Variants in PLCXD3 observed in about 807,000 individuals in gnomAD.
The protein encoded by PLCXD3 is PI-PLC X domain-containing protein 3.
PLCXD3 carries 19 observed loss-of-function variants against 25.5 expected under a neutral mutation model. The ratio of observed to expected loss-of-function variants is 0.75; its 90% CI spans 0.52 to 1.09. The LOEUF is 1.09. Among genes scored for constraint, PLCXD3 ranks in the 50% least tolerant of loss-of-function variants. The probability of loss-of-function intolerance (pLI) is 0.00; values close to 1 mark genes in which losing one functional copy is unlikely to be tolerated. For missense variants in PLCXD3, 411 were observed against 388.1 expected, an observed-to-expected ratio of 1.06 and a Z score of -0.50; for synonymous variants, 174 against 137.6, an observed-to-expected ratio of 1.26 and a Z score of -1.85.
intron 1 of PLCXD3, among the ~76,000 whole-genome samples, chr5:41,467,787 T>A (rs924670124): frequency 8.5e-5 from 13 of 152,128 alleles, no homozygotes; most frequent in African/African-American, 3.1e-4. Context: ...GATATTCAGT[T>A]TTCCCGACAC....
chr5:41,351,961 T>C (rs192237215), intron 2 of PLCXD3, among the ~76,000 whole-genome samples: 10 of 152,284 alleles, frequency 6.6e-5, no homozygotes, highest in Admixed American at 2.6e-4. Flanking sequence ...AATTGCAATG[T>C]TCTGGCAAGG....
At chr5:41,370,422 ATAT>A (rs1382045917) in intron 2 of PLCXD3, among the ~76,000 whole-genome samples, 1 of 152,184 alleles carries the variant, frequency 6.6e-6, no homozygotes, top group East Asian at 1.9e-4. Context: ...TACACTGAAA[ATAT>A]TATAGAAAAC....
chr5:41,356,067 C>G lies in PLCXD3; in HGVS notation c.812+25759G>C, dbSNP rs1007705370. Among the ~76,000 whole-genome samples the G allele has an allele frequency of 2.0e-4, 30 of 150,844 alleles. No homozygotes were observed. In the East Asian group the frequency reaches 5.5e-3, roughly 28 times the overall value. On this transcript the variant is annotated intron_variant, in intron 2 of 2. Coordinates refer to ENST00000377801, the MANE Select transcript of PLCXD3 (RefSeq NM_001005473.3). ...ATCGCCTGAGGTCAGGAGTTCGAGA[C>G]CAGCCTGCCTAACATGGCAAAACCC...
chr5:41,510,568 G>GGGCAGGCT lies in PLCXD3; in HGVS notation c.-50_-43dup, dbSNP rs1401298187. 4 of 1,526,488 alleles carry GGGCAGGCT rather than the reference G, an allele frequency of 2.6e-6. No individual in the cohort carries two copies. Among genetic ancestry groups the GGGCAGGCT allele is most frequent in the Non-Finnish European group, 3.6e-6 (4 of 1,107,466 alleles). The allele number at this position is 1,526,488 out of a possible 1,614,324, so 94.6% of individuals were successfully genotyped here. ...CAGCGCGCTGGTCCCAGCACTCCTC[G>GGGCAGGCT]GGCAGGCTGGCAGGCTGCTGCCGCT... On this transcript the variant is annotated 5_prime_UTR_variant, in exon 1 of 3. Coordinates refer to ENST00000377801, the MANE Select transcript of PLCXD3 (RefSeq NM_001005473.3).
chr5:41,330,806 A>T (rs1743778756), intron 2 of PLCXD3, among the ~76,000 whole-genome samples: 1 of 152,174 alleles, frequency 6.6e-6, no homozygotes, highest in South Asian at 2.1e-4. Flanking sequence ...CAAATCAATA[A>T]ATGTAATCCA....
rs144081077 is a variant in PLCXD3 at position 41,390,720 on chromosome 5, G to GA, written c.104-8187dup. On this transcript the variant is annotated intron_variant, in intron 1 of 2. Coordinates refer to ENST00000377801, the MANE Select transcript of PLCXD3 (RefSeq NM_001005473.3). ...CAAGTAGTTAATAACTATCTACACA[G>GA]AAAAAAAAACAAAAACACCTTCATA... 1.0e-4 allele frequency among the ~76,000 whole-genome samples: 15 copies of GA among 150,276 alleles called. No homozygotes were observed. In the East Asian group the frequency reaches 1.2e-3, roughly 12 times the overall value.
At chr5:41,313,832 ATTC>A (rs1422511606) in intron 2 of PLCXD3, 62 bp from the exon 3 acceptor site, 8 of 1,482,146 alleles carry the variant, frequency 5.4e-6, no homozygotes, top group Middle Eastern at 1.8e-4. Flanking sequence ...AAGCTCTACA[ATTC>A]TCAGTCTTCC....
At chr5:41,471,400 G>A (rs1053804781) in intron 1 of PLCXD3, among the ~76,000 whole-genome samples, 1 of 152,166 alleles carries the variant, frequency 6.6e-6, no homozygotes, top group Admixed American at 6.5e-5. Context: ...ATGCACTGCA[G>A]CCCTGTCACA....
At chr5:41,359,938 T>G (rs1184671345) in intron 2 of PLCXD3, among the ~76,000 whole-genome samples, 1 of 152,192 alleles carries the variant, frequency 6.6e-6, no homozygotes, top group Non-Finnish European at 1.5e-5. Context: ...TTTTCCAAAC[T>G]TTTAGATTTT....
chr5:41,338,925 G>A (rs143551862), intron 2 of PLCXD3, among the ~76,000 whole-genome samples: 74 of 152,256 alleles, frequency 4.9e-4, no homozygotes, highest in African/African-American at 1.6e-3. Flanking sequence ...GGTGTGAAGT[G>A]TAACAGAGTA....
At chr5:41,501,929 T>A (rs1748959913) in intron 1 of PLCXD3, among the ~76,000 whole-genome samples, 1 of 152,168 alleles carries the variant, frequency 6.6e-6, no homozygotes, top group Non-Finnish European at 1.5e-5. Flanking sequence ...GAAAGAGATA[T>A]AACAACCTGA....
At chr5:41,493,115 G>A (rs2150526293) in intron 1 of PLCXD3, among the ~76,000 whole-genome samples, 1 of 152,238 alleles carries the variant, frequency 6.6e-6, no homozygotes, top group Middle Eastern at 3.4e-3. Context: ...TTTTGGTGTG[G>A]ATGTCCTTTC....
At chr5:41,422,599 G>A (rs755920131) in intron 1 of PLCXD3, among the ~76,000 whole-genome samples, 14 of 152,142 alleles carry the variant, frequency 9.2e-5, no homozygotes, top group Non-Finnish European at 1.9e-4. Flanking sequence ...CGAGACAATT[G>A]TCATCTTTAT....
At chr5:41,394,773 A>G (rs12518226) in intron 1 of PLCXD3, among the ~76,000 whole-genome samples, 16,134 of 152,242 alleles carry the variant, frequency 0.11, 1,054 homozygotes, top group Admixed American at 0.17. Flanking sequence ...TATAAAGTAT[A>G]TAACAATTTT....
chr5:41,398,733 G>A (rs72755993), intron 1 of PLCXD3, among the ~76,000 whole-genome samples: 7,947 of 152,084 alleles, frequency 0.052, 295 homozygotes, highest in Non-Finnish European at 0.078. Flanking sequence ...CAACATAATA[G>A]CCATATATGA....
chr5:41,463,279 G>C (rs1173538411), intron 1 of PLCXD3, among the ~76,000 whole-genome samples: 1 of 151,954 alleles, frequency 6.6e-6, no homozygotes, highest in Non-Finnish European at 1.5e-5. Context: ...GGAAGTCTGA[G>C]GGTGCCAGCA....
At chr5:41,326,319 G>A (rs180695584) in intron 2 of PLCXD3, among the ~76,000 whole-genome samples, 6 of 151,290 alleles carry the variant, frequency 4.0e-5, no homozygotes, top group East Asian at 2.0e-4. Flanking sequence ...TTCCTTTTTT[G>A]TGTGTGTTAT....
chr5:41,375,726 T>C (rs1323410102), intron 2 of PLCXD3, among the ~76,000 whole-genome samples: 1 of 152,092 alleles, frequency 6.6e-6, no homozygotes, highest in Non-Finnish European at 1.5e-5. Flanking sequence ...CATAATTTAC[T>C]TTCCTAAACC....
intron 1 of PLCXD3, among the ~76,000 whole-genome samples, chr5:41,469,516 A>C (rs1191491638): frequency 1.3e-5 from 2 of 150,730 alleles, no homozygotes; most frequent in Non-Finnish European, 3.0e-5. Flanking sequence ...TTTTCTCTCA[A>C]GTGTTTCAAT....
Sources: gnomAD v4.1 joint callset for allele counts (sites outside exome capture counted in the v4.1 genomes callset) on GRCh38, gnomAD v4.1.1 for gene constraint, MANE v1.5 for transcripts, NCBI Gene and HGNC (gene_info 2026-07-23, HGNC 2026-07-21) for gene names.